The following STAT4 variants were observed in gnomAD, a reference collection of about 807,000 sequenced individuals.
The protein encoded by STAT4 is signal transducer and activator of transcription 4.
In STAT4, 42 loss-of-function variants were observed where a neutral mutation model predicts 110.5. That is an observed-to-expected ratio of 0.38 (90% CI 0.30 to 0.49). The LOEUF is 0.49. STAT4 is among the 20% of genes least tolerant of loss of function. The pLI is 0.95. For missense variants in STAT4, 632 were observed against 887.9 expected (o/e 0.71, Z 3.66); for synonymous variants, 284 against 302.2 (o/e 0.94, Z 0.63).
intron 14 of STAT4, among the ~76,000 whole-genome samples, chr2:191,052,939 G>A (rs1393028850): frequency 6.6e-6 from 1 of 152,210 alleles, no homozygotes; most frequent in Non-Finnish European, 1.5e-5. Flanking sequence ...GACCTGCTTA[G>A]GGAGCTGTGC....
chr2:191,124,459 A>AAAC (rs1331234907), intron 3 of STAT4, among the ~76,000 whole-genome samples: 30 of 151,368 alleles, frequency 2.0e-4, no homozygotes, highest in African/African-American at 7.3e-4. Context: ...GTCTCAAAAA[A>AAAC]AAAAAAAAAA....
rs1312794455 is a variant in STAT4, at chr2:191,032,961, C to T, written c.2041G>A (p.Glu681Lys). The T allele has an allele frequency of 1.3e-6, 2 of 1,595,270 alleles. No individual in the cohort carries two copies. The highest frequency in any genetic ancestry group is 1.7e-6 in the Non-Finnish European group (2 of 1,174,280). Reference sequence around the variant, plus strand: ...AAAACAAACAGAAAAACCTAACCTTCGCAAGGCTGAGAGCTGTAGTGTTTA... The same window carrying T: ...AAAACAAACAGAAAAACCTAACCTTTGCAAGGCTGAGAGCTGTAGTGTTTA... ...FGKHYSSQPC[E>K]VSRPTERGDK... The change falls in exon 21 of 24, where the codon GAA (glutamate) becomes AAA (lysine). Residue 681 changes from glutamate to lysine, a missense_variant. Glu to Lys is a moderately conservative substitution (Grantham distance 56, BLOSUM62 1). Coordinates refer to ENST00000392320, the MANE Select transcript of STAT4 (RefSeq NM_003151.4). This position sits in a 1 kb window ranked among gnomAD's most constrained non-coding sequence, Gnocchi z 4.9.
In STAT4 at chr2:191,090,427, TTGA is replaced by T. The variant is rs1156765109; in HGVS notation, c.274-14105_274-14103del. Among the ~76,000 whole-genome samples, 1 of 151,906 alleles carries T rather than the reference TTGA, an allele frequency of 6.6e-6. No homozygotes were observed. Among genetic ancestry groups the T allele is most frequent in the Non-Finnish European group, 1.5e-5 (1 of 68,016 alleles). ...TAAAAGAAAGGTACAGTATAGGCTG[TTGA>T]TGGATCTAAATTAACAATGCTCTGT... On this transcript the variant is annotated intron_variant, in intron 3 of 23. Coordinates refer to ENST00000392320, the MANE Select transcript of STAT4 (RefSeq NM_003151.4). This position sits in a 1 kb window ranked among gnomAD's most constrained non-coding sequence, Gnocchi z 4.2.
rs1200650540 is a variant in STAT4, at chr2:191,124,984, C to T, written c.273+21629G>A. Among the ~76,000 whole-genome samples, 8 of 152,294 alleles carry T rather than the reference C, an allele frequency of 5.3e-5. No homozygotes were observed. In the South Asian group the frequency reaches 1.5e-3, roughly 28 times the overall value. On this transcript the variant is annotated intron_variant, in intron 3 of 23. Transcript: ENST00000392320. Reference sequence around the variant, plus strand: ...CAGAGAAGTCTCTGTCTCTATAGTTCTATGTCTCCACCTCTAGGAAGACTT... The same window carrying T: ...CAGAGAAGTCTCTGTCTCTATAGTTTTATGTCTCCACCTCTAGGAAGACTT...
intron 14 of STAT4, among the ~76,000 whole-genome samples, chr2:191,047,872 G>C (rs1367754608): frequency 2.0e-5 from 3 of 152,184 alleles, no homozygotes; most frequent in Non-Finnish European, 4.4e-5. Context: ...TATCATATTG[G>C]CCAGGCTGGT....
Position 191,061,636 on chromosome 2 carries a change from T to C in STAT4, c.1034+93A>G. The C allele has an allele frequency of 8.4e-7, 1 of 1,184,750 alleles. No homozygotes were observed. The highest frequency in any genetic ancestry group is 1.3e-6 in the Non-Finnish European group (1 of 791,632). The allele number at this position is 1,184,750 out of a possible 1,614,324, so 73.4% of individuals were successfully genotyped here. On this transcript the variant is annotated intron_variant, in intron 10 of 23. Coordinates refer to ENST00000392320, the MANE Select transcript of STAT4 (RefSeq NM_003151.4). This position sits in a 1 kb window ranked among gnomAD's most constrained non-coding sequence, Gnocchi z 6.2. ...AGCAGATGGTTCAATAAAGAACAGC[T>C]GAATGCAAGCCACAATGAGAGAAAT...
intron 3 of STAT4, among the ~76,000 whole-genome samples, chr2:191,119,830 C>G (rs1485189882): frequency 6.6e-6 from 1 of 152,112 alleles, no homozygotes; most frequent in African/African-American, 2.4e-5. Flanking sequence ...GACAAATAGA[C>G]TAACATACTA....
At position 191,029,821 on chromosome 2, in the gene STAT4, T is replaced by A; in HGVS notation, c.*19A>T. The A allele has an allele frequency of 3.1e-6, 5 of 1,598,504 alleles. No individual in the cohort carries two copies. Among genetic ancestry groups the A allele is most frequent in the Non-Finnish European group, 4.3e-6 (5 of 1,173,954 alleles). ...CTTTTTCATTTGCTTCCTTTCTTGGTGCGTCAGAGTTTATCCTGTCATTCA... is the reference window on the plus strand; with the variant it reads ...CTTTTTCATTTGCTTCCTTTCTTGGAGCGTCAGAGTTTATCCTGTCATTCA... On this transcript the variant is annotated 3_prime_UTR_variant, in exon 24 of 24. Coordinates refer to ENST00000392320, the MANE Select transcript of STAT4 (RefSeq NM_003151.4). The surrounding 1 kb of genome is among the most constrained non-coding windows in gnomAD (Gnocchi z 4.5).
chr2:191,147,561 G>A lies in STAT4; in HGVS notation c.128+515C>T, dbSNP rs1699490375. 6.6e-6 allele frequency among the ~76,000 whole-genome samples: 1 copy of A among 152,110 alleles called. No homozygotes were observed. Among genetic ancestry groups the A allele is most frequent in the Non-Finnish European group, 1.5e-5 (1 of 67,992 alleles). ...GTACAGAGTTTCAGTTTGGAAAGATGAAAAAGTTCTGCAGATGGATGGTGG... is the reference window on the plus strand; with the variant it reads ...GTACAGAGTTTCAGTTTGGAAAGATAAAAAAGTTCTGCAGATGGATGGTGG... On this transcript the variant is annotated intron_variant, in intron 2 of 23. Coordinates refer to ENST00000392320, the MANE Select transcript of STAT4 (RefSeq NM_003151.4). This position sits in a 1 kb window ranked among gnomAD's most constrained non-coding sequence, Gnocchi z 4.1.
chr2:191,051,997 T>A lies in STAT4; in HGVS notation c.1251+2493A>T, dbSNP rs993663204. Among the ~76,000 whole-genome samples the A allele has an allele frequency of 2.0e-5, 3 of 152,220 alleles. No homozygotes were observed. The highest frequency in any genetic ancestry group is 7.2e-5 in the African/African-American group (3 of 41,452). ...GTATATAGTAAATGCCACACGAGGA[T>A]TGTTGAAGACATTCTTAGCAGGCTA... On this transcript the variant is annotated intron_variant, in intron 14 of 23. Coordinates refer to ENST00000392320, the MANE Select transcript of STAT4 (RefSeq NM_003151.4). The surrounding 1 kb of genome is among the most constrained non-coding windows in gnomAD (Gnocchi z 5.6).
Position 191,144,377 on chromosome 2 carries a change from G to C in STAT4, c.273+2236C>G, listed in dbSNP as rs1199445046. 6.6e-6 allele frequency among the ~76,000 whole-genome samples: 1 copy of C among 152,146 alleles called. No individual in the cohort carries two copies. Among genetic ancestry groups the C allele is most frequent in the African/African-American group, 2.4e-5 (1 of 41,436 alleles). ...GAACTAGACTGGTGGAAGAGGGATG[G>C]AAGAGCATTCCTGGCCATAGGACCG... On this transcript the variant is annotated intron_variant, in intron 3 of 23. Coordinates refer to ENST00000392320, the MANE Select transcript of STAT4 (RefSeq NM_003151.4). This position sits in a 1 kb window ranked among gnomAD's most constrained non-coding sequence, Gnocchi z 4.7.
chr2:191,137,289 T>C (rs149770768), intron 3 of STAT4, among the ~76,000 whole-genome samples: 3,193 of 151,870 alleles, frequency 0.021, 98 homozygotes, highest in African/African-American at 0.065. Flanking sequence ...GCTGAGATTG[T>C]GCCAAGGCAC....
chr2:191,125,589 G>A (rs1698861610), intron 3 of STAT4, among the ~76,000 whole-genome samples: 2 of 151,648 alleles, frequency 1.3e-5, no homozygotes, highest in African/African-American at 4.8e-5. Flanking sequence ...CAGGGCTTAA[G>A]TTATCCTACC....
chr2:191,111,579 G>A (rs1211116574), intron 3 of STAT4, among the ~76,000 whole-genome samples: 4 of 152,218 alleles, frequency 2.6e-5, no homozygotes, highest in African/African-American at 9.6e-5. Context: ...GGGGCCGAGT[G>A]TGATGGCTCA....
In STAT4 at chr2:191,104,582, A is replaced by G. The variant is rs1698227070; in HGVS notation, c.274-28257T>C. On this transcript the variant is annotated intron_variant, in intron 3 of 23. Coordinates refer to ENST00000392320, the MANE Select transcript of STAT4 (RefSeq NM_003151.4). This position sits in a 1 kb window ranked among gnomAD's most constrained non-coding sequence, Gnocchi z 4.3. ...CTTTGAAGCTGAAATAAAATTGTCA[A>G]CTTTTGATTTTGCTAAATAAGTATA... Among the ~76,000 whole-genome samples, 1 of 152,212 alleles carries G rather than the reference A, an allele frequency of 6.6e-6. No individual in the cohort carries two copies. The highest frequency in any genetic ancestry group is 6.5e-5 in the Admixed American group (1 of 15,272).
intron 8 of STAT4, among the ~76,000 whole-genome samples, chr2:191,063,570 G>T (rs1364738731): frequency 2.6e-5 from 4 of 152,138 alleles, no homozygotes; most frequent in Non-Finnish European, 5.9e-5. Context: ...AATGGACACG[G>T]AAGGGACTTC....
At position 191,150,505 on chromosome 2, in the gene STAT4, T is replaced by C. The variant is rs1013847037; in HGVS notation, c.-2+442A>G. On this transcript the variant is annotated intron_variant, in intron 1 of 23. Transcript: ENST00000392320. This position sits in a 1 kb window ranked among gnomAD's most constrained non-coding sequence, Gnocchi z 6.4. ...CTGTAGCTTGCAAAAGGAGATGACC[T>C]GCCCTAAAATGTCACTCGCGCCCAT... Among the ~76,000 whole-genome samples, 1 of 152,212 alleles carries C rather than the reference T, an allele frequency of 6.6e-6. No individual in the cohort carries two copies. Among genetic ancestry groups the C allele is most frequent in the Non-Finnish European group, 1.5e-5 (1 of 68,016 alleles).
At position 191,086,145 on chromosome 2, in the gene STAT4, G is replaced by A. The variant is rs115996142; in HGVS notation, c.274-9820C>T. On this transcript the variant is annotated intron_variant, in intron 3 of 23. Transcript: ENST00000392320. This position sits in a 1 kb window ranked among gnomAD's most constrained non-coding sequence, Gnocchi z 5.5. Reference sequence around the variant, plus strand: ...ATTTTACCAAGTCTTTGGTTGCAACGATATTTTCAGATATGAACAGATGGC... The same window carrying A: ...ATTTTACCAAGTCTTTGGTTGCAACAATATTTTCAGATATGAACAGATGGC... Among the ~76,000 whole-genome samples, 475 of 152,230 alleles carry A rather than the reference G, an allele frequency of 3.1e-3. 3 individuals are homozygous for A. Among genetic ancestry groups the A allele is most frequent in the African/African-American group, 0.01 (429 of 41,554 alleles).
intron 3 of STAT4, among the ~76,000 whole-genome samples, chr2:191,124,297 A>G (rs1698817908): frequency 6.6e-6 from 1 of 152,066 alleles, no homozygotes; most frequent in Non-Finnish European, 1.5e-5. Flanking sequence ...TCTACTAAAA[A>G]TACAAAAATT....
Sources: allele counts gnomAD v4.1 joint callset (sites outside exome capture counted in the v4.1 genomes callset), GRCh38; gene constraint gnomAD v4.1.1; non-coding constraint Gnocchi (gnomAD v3.1); transcripts MANE v1.5; gene names NCBI Gene and HGNC (gene_info 2026-07-23, HGNC 2026-07-21).